SCHIP1: variants seen among roughly 807,000 people sequenced by gnomAD.
The protein encoded by SCHIP1 is schwannomin interacting protein 1, also known as schwannomin-interacting protein 1.
SCHIP1 carries 8 observed loss-of-function variants against 29.7 expected under a neutral mutation model. That is an observed-to-expected ratio of 0.27 (90% CI 0.16 to 0.49). The LOEUF (loss-of-function observed/expected upper bound fraction) is 0.49, where lower values mean the gene tolerates loss of function less well. SCHIP1 is among the 20% of genes least tolerant of loss of function. The pLI is 0.99. For synonymous variants in SCHIP1, 76 were observed against 94.9 expected (o/e 0.80, Z 1.16); for missense variants, 193 against 294.6 (o/e 0.66, Z 2.52).
chr3:159,709,710 T>C, the SCHIP1 span, among the ~76,000 whole-genome samples: 1 of 152,204 alleles, frequency 6.6e-6, no homozygotes, highest in South Asian at 2.1e-4. Flanking sequence ...AGCCTTGGTC[T>C]GTTAAGACAC....
At chr3:159,856,893 T>C (rs549635217) in intron 1 of SCHIP1, among the ~76,000 whole-genome samples, 1 of 152,272 alleles carries the variant, frequency 6.6e-6, no homozygotes, top group South Asian at 2.1e-4. Context: ...CAGCTGCCAT[T>C]CCAGACAAGC....
chr3:159,334,396 A>G, the SCHIP1 span, among the ~76,000 whole-genome samples: 2 of 152,180 alleles, frequency 1.3e-5, no homozygotes, highest in African/African-American at 4.8e-5. Context: ...GTGCTGGAAA[A>G]TCCTGCCCTT....
chr3:159,442,478 G>A, the SCHIP1 span, among the ~76,000 whole-genome samples: 1 of 152,172 alleles, frequency 6.6e-6, no homozygotes, highest in South Asian at 2.1e-4. Context: ...AGGCCTTAGG[G>A]AATAAGGCTG....
At chr3:159,888,172 T>C (rs1276393941) in intron 4 of SCHIP1, 2 of 490,698 alleles carry the variant, frequency 4.1e-6, no homozygotes, top group African/African-American at 3.9e-5. Context: ...GCCACGGGAA[T>C]ATTTAAATTC....
chr3:159,872,116 G>A (rs916309386), intron 2 of SCHIP1, among the ~76,000 whole-genome samples: 1 of 152,078 alleles, frequency 6.6e-6, no homozygotes, highest in African/African-American at 2.4e-5. Context: ...CTTGTGTGCT[G>A]TTGTTTCCAT....
At chr3:159,521,936 T>A in the SCHIP1 span, among the ~76,000 whole-genome samples, 1 of 152,238 alleles carries the variant, frequency 6.6e-6, no homozygotes, top group African/African-American at 2.4e-5. Flanking sequence ...TCACATGTAC[T>A]TTCCAATTTA....
chr3:159,720,364 C>T, the SCHIP1 span, among the ~76,000 whole-genome samples: 13 of 151,516 alleles, frequency 8.6e-5, no homozygotes, highest in Admixed American at 1.3e-4. Flanking sequence ...TGCACATGCA[C>T]CCTAGAACTT....
chr3:159,719,603 A>G, the SCHIP1 span, among the ~76,000 whole-genome samples: 1 of 152,242 alleles, frequency 6.6e-6, no homozygotes, highest in African/African-American at 2.4e-5. Context: ...TCAAAAGAAG[A>G]CATTTATGCA....
At chr3:159,722,578 C>T in the SCHIP1 span, among the ~76,000 whole-genome samples, 2 of 151,908 alleles carry the variant, frequency 1.3e-5, no homozygotes, top group Non-Finnish European at 2.9e-5. Context: ...ATTTGAGACG[C>T]AATATTTTGT....
chr3:159,356,408 C>G, the SCHIP1 span, among the ~76,000 whole-genome samples: 1 of 152,108 alleles, frequency 6.6e-6, no homozygotes, highest in South Asian at 2.1e-4. Context: ...AGGTTGTGCT[C>G]GGGCTTTGAT....
the SCHIP1 span, among the ~76,000 whole-genome samples, chr3:159,487,287 G>C: frequency 6.6e-6 from 1 of 152,050 alleles, no homozygotes; most frequent in African/African-American, 2.4e-5. Flanking sequence ...GCTTCAGTTC[G>C]TCTTCATTTT....
At chr3:159,584,614 C>G in the SCHIP1 span, among the ~76,000 whole-genome samples, 1 of 152,184 alleles carries the variant, frequency 6.6e-6, no homozygotes, top group East Asian at 1.9e-4. Flanking sequence ...AGGGGCCCAG[C>G]AATACCATCA....
At chr3:159,615,634 G>A in the SCHIP1 span, among the ~76,000 whole-genome samples, 1 of 152,146 alleles carries the variant, frequency 6.6e-6, no homozygotes, top group Non-Finnish European at 1.5e-5. Context: ...AAACTGCTTA[G>A]CACATGCAGC....
the SCHIP1 span, among the ~76,000 whole-genome samples, chr3:159,760,765 G>GT: frequency 7.9e-5 from 12 of 152,266 alleles, no homozygotes; most frequent in African/African-American, 2.6e-4. Flanking sequence ...ACCAGATTTA[G>GT]TTTTACATGA....
intron 1 of SCHIP1, among the ~76,000 whole-genome samples, chr3:159,841,606 A>C (rs1009762681): frequency 6.6e-6 from 1 of 152,178 alleles, no homozygotes; most frequent in Non-Finnish European, 1.5e-5. Flanking sequence ...CTACTATAAG[A>C]TTATTCCATA....
chr3:159,400,292 G>A, the SCHIP1 span, among the ~76,000 whole-genome samples: 1 of 152,244 alleles, frequency 6.6e-6, no homozygotes, highest in Non-Finnish European at 1.5e-5. Flanking sequence ...GGACATCAAA[G>A]TGGTAGGGGA....
chr3:159,669,101 C>A, the SCHIP1 span, among the ~76,000 whole-genome samples: 2 of 152,162 alleles, frequency 1.3e-5, no homozygotes, highest in African/African-American at 4.8e-5. Flanking sequence ...CAGCTCCACC[C>A]CCGGGTCAAG....
the SCHIP1 span, among the ~76,000 whole-genome samples, chr3:159,332,370 T>G: frequency 1.3e-5 from 2 of 152,184 alleles, no homozygotes; most frequent in Non-Finnish European, 2.9e-5. Context: ...GCAGACCTAA[T>G]AAATGATCAA....
chr3:159,829,497 G>T, the SCHIP1 span, among the ~76,000 whole-genome samples: 1 of 152,164 alleles, frequency 6.6e-6, no homozygotes, highest in Non-Finnish European at 1.5e-5. Flanking sequence ...GTCCTGTAAA[G>T]CTGTGGTAAG....
Sources: gnomAD v4.1 joint callset for allele counts (sites outside exome capture counted in the v4.1 genomes callset) on GRCh38, gnomAD v4.1.1 for gene constraint, MANE v1.5 for transcripts, NCBI Gene and HGNC (gene_info 2026-07-23, HGNC 2026-07-21) for gene names.